ASB4: variants seen among roughly 807,000 people sequenced by gnomAD.
The protein encoded by ASB4 is ankyrin repeat and SOCS box protein 4.
ASB4 carries 35 observed loss-of-function variants against 38.6 expected under a neutral mutation model. The ratio of observed to expected loss-of-function variants is 0.91; its 90% CI spans 0.69 to 1.20. ASB4 has a LOEUF of 1.20. Among genes scored for constraint, ASB4 ranks in the 50% most tolerant of loss-of-function variants. The probability of loss-of-function intolerance (pLI) is 0.00; values close to 1 mark genes in which losing one functional copy is unlikely to be tolerated. For missense variants in ASB4, 557 were observed against 527.2 expected (o/e 1.06, Z -0.55); for synonymous variants, 195 against 201.3 (o/e 0.97, Z 0.26).
At chr7:95,476,160 A>G (rs1789974807), upstream of ASB4, among the ~76,000 whole-genome samples, 1 of 152,136 alleles carries the variant, frequency 6.6e-6, no homozygotes, top group South Asian at 2.1e-4. Context: ...AGTTCTTGAG[A>G]TTGGGGCTGA....
In ASB4 at chr7:95,515,372, C is replaced by CT. The variant is rs781324812; in HGVS notation, c.488-12438dup. ...TTCTTTTTCTTTCTTTCTTTTCTTT[C>CT]TTTCTTTTCTTTTCTTTTTTTTCTT... On this transcript the variant is annotated intron_variant, in intron 2 of 4. Coordinates refer to ENST00000325885, the MANE Select transcript of ASB4 (RefSeq NM_016116.3). Among the ~76,000 whole-genome samples, 21 of 104,760 alleles carry CT rather than the reference C, an allele frequency of 2.0e-4. 1 individual carries two copies. The highest frequency in any genetic ancestry group is 1.4e-4 in the Non-Finnish European group (7 of 48,326). 68.7% of individuals were successfully genotyped at this position (104,760 alleles called of 152,430 possible). A position where few individuals can be genotyped will look rare whatever the true frequency, so the allele number is the denominator to read the frequency against.
At chr7:95,545,639 C>T in the ASB4 span, among the ~76,000 whole-genome samples, 9 of 151,994 alleles carry the variant, frequency 5.9e-5, no homozygotes, top group Admixed American at 5.2e-4. Flanking sequence ...TTTGCTTCTT[C>T]GTGGCTAGGA....
intron 2 of ASB4, among the ~76,000 whole-genome samples, chr7:95,496,812 C>T (rs958549766): frequency 4.6e-5 from 7 of 152,084 alleles, no homozygotes; most frequent in African/African-American, 1.4e-4. Context: ...TATGCCACTG[C>T]ACTCCAGCCT....
Position 95,528,022 on chromosome 7 carries a change from C to T in ASB4, c.697C>T (p.Leu233=), listed in dbSNP as rs368450255. 38 of 1,614,160 alleles carry T rather than the reference C, an allele frequency of 2.4e-5. No individual in the cohort carries two copies. Among genetic ancestry groups the T allele is most frequent in the Non-Finnish European group, 3.2e-5 (38 of 1,180,044 alleles). ...KEQEYSTEHH[L]VCRMLLDYKA... is the part of the protein sequence containing the mutation. Reference sequence around the variant, plus strand: ...GCAGGAGTACAGCACGGAGCACCACCTGGTCTGCCGCATGCTGCTTGACTA... The same window carrying T: ...GCAGGAGTACAGCACGGAGCACCACTTGGTCTGCCGCATGCTGCTTGACTA... Residue 233 remains leucine (L), a synonymous_variant, in exon 3 of 5, where the codon CTG becomes TTG. Transcript: ENST00000325885.
intron 1 of ASB4, among the ~76,000 whole-genome samples, chr7:95,478,981 A>G (rs1445444591): frequency 6.6e-6 from 1 of 152,178 alleles, no homozygotes. Context: ...AGGGCAGCCC[A>G]TAACATGGCT....
intron 2 of ASB4, among the ~76,000 whole-genome samples, chr7:95,506,629 T>G (rs1195911519): frequency 6.6e-6 from 1 of 152,176 alleles, no homozygotes; most frequent in Non-Finnish European, 1.5e-5. Context: ...TTGAAAGCCA[T>G]TTACATCTTC....
At chr7:95,521,329 G>A (rs926655022) in intron 2 of ASB4, among the ~76,000 whole-genome samples, 4 of 152,060 alleles carry the variant, frequency 2.6e-5, no homozygotes, top group African/African-American at 7.2e-5. Flanking sequence ...TCTGTGGCCT[G>A]TAAACATATG....
chr7:95,484,585 A>G (rs541400186), upstream of ASB4, among the ~76,000 whole-genome samples: 25 of 152,296 alleles, frequency 1.6e-4, no homozygotes, highest in South Asian at 4.8e-3. Context: ...TTATGTTGTG[A>G]TTTGCATCAT....
chr7:95,474,240 T>C (rs1220490089), upstream of ASB4, among the ~76,000 whole-genome samples: 4 of 152,236 alleles, frequency 2.6e-5, no homozygotes, highest in African/African-American at 9.6e-5. Flanking sequence ...TAATTGTCTC[T>C]GCCATTTTAC....
At chr7:95,501,411 G>A (rs954752082) in intron 2 of ASB4, among the ~76,000 whole-genome samples, 12 of 152,182 alleles carry the variant, frequency 7.9e-5, no homozygotes, top group Admixed American at 4.6e-4. Flanking sequence ...AAGGCAAGAT[G>A]TCACTGGCCT....
intron 2 of ASB4, among the ~76,000 whole-genome samples, chr7:95,501,057 T>G (rs1424965263): frequency 6.6e-6 from 1 of 152,212 alleles, no homozygotes; most frequent in Non-Finnish European, 1.5e-5. Flanking sequence ...AGTTTAAACA[T>G]GCAAGCTTTT....
chr7:95,487,985 G>A (rs566849586), intron 1 of ASB4, among the ~76,000 whole-genome samples: 1 of 152,178 alleles, frequency 6.6e-6, no homozygotes, highest in Non-Finnish European at 1.5e-5. Context: ...TGTTTAATAC[G>A]CACATGGGCA....
intron 1 of ASB4, among the ~76,000 whole-genome samples, chr7:95,486,871 G>A (rs1230143322): frequency 1.3e-5 from 2 of 152,138 alleles, no homozygotes; most frequent in Non-Finnish European, 2.9e-5. Context: ...TGGAACCCAT[G>A]CTTAATAAAT....
intron 2 of ASB4, among the ~76,000 whole-genome samples, chr7:95,514,378 C>T (rs185942287): frequency 6.6e-6 from 1 of 152,200 alleles, no homozygotes; most frequent in African/African-American, 2.4e-5. Flanking sequence ...TACCAAAGCC[C>T]TTTAGCAATA....
chr7:95,486,617 C>T (rs1790094602), intron 1 of ASB4, among the ~76,000 whole-genome samples: 1 of 152,144 alleles, frequency 6.6e-6, no homozygotes, highest in Admixed American at 6.5e-5. Flanking sequence ...GAGGAATCTC[C>T]CCAACATTTG....
downstream of ASB4, chr7:95,542,818 G>C (rs545096803): frequency 1.6e-4 from 25 of 152,340 alleles, no homozygotes; most frequent in African/African-American, 6.0e-4. Flanking sequence ...TTCTCAGAAA[G>C]AGCTATGTCT....
At chr7:95,512,272 C>A (rs892571011) in intron 2 of ASB4, among the ~76,000 whole-genome samples, 4 of 152,216 alleles carry the variant, frequency 2.6e-5, no homozygotes, top group African/African-American at 9.6e-5. Flanking sequence ...CTATTCCATT[C>A]ATGAGGGCAA....
upstream of ASB4, among the ~76,000 whole-genome samples, chr7:95,484,026 TAA>T (rs11431388): frequency 6.5e-5 from 9 of 138,882 alleles, no homozygotes; most frequent in African/African-American, 5.3e-5. Context: ...CATTAAAAAG[TAA>T]AAAAAAAAAA....
the ASB4 span, among the ~76,000 whole-genome samples, chr7:95,545,555 T>C: frequency 1.3e-5 from 2 of 152,220 alleles, no homozygotes; most frequent in Non-Finnish European, 2.9e-5. Context: ...GTCTCTTTCA[T>C]ATTCTCTCCA....
Sources: gnomAD v4.1 joint callset for allele counts (sites outside exome capture counted in the v4.1 genomes callset) on GRCh38, gnomAD v4.1.1 for gene constraint, MANE v1.5 for transcripts, NCBI Gene and HGNC (gene_info 2026-07-23, HGNC 2026-07-21) for gene names.